The following RBFOX1 variants were observed in gnomAD, a reference collection of about 807,000 sequenced individuals.
RBFOX1 encodes RNA binding fox-1 homolog 1, also known as RNA binding protein fox-1 homolog 1.
In RBFOX1, 8 loss-of-function variants were observed where a neutral mutation model predicts 57.7. The observed-to-expected ratio is 0.14, with a 90% CI of 0.08 to 0.25. The LOEUF is 0.25. RBFOX1 is among the 10% of genes least tolerant of loss of function. The pLI, the probability that RBFOX1 is intolerant of heterozygous loss-of-function variation, is 1.00. For missense variants in RBFOX1, 611 were observed against 548.5 expected (o/e 1.11, Z -1.14); for synonymous variants, 326 against 222.4 (o/e 1.47, Z -4.15).
At chr16:6,816,141 C>G (rs555290770) in intron 3 of RBFOX1, among the ~76,000 whole-genome samples, 12 of 152,234 alleles carry the variant, frequency 7.9e-5, no homozygotes, top group East Asian at 3.9e-4. Context: ...GACCCCGTCT[C>G]TACAAAATTT....
At chr16:6,196,181 G>A (rs1050100505) in intron 1 of RBFOX1, among the ~76,000 whole-genome samples, 2 of 152,116 alleles carry the variant, frequency 1.3e-5, no homozygotes, top group Non-Finnish European at 2.9e-5. Context: ...TGCAGAAACT[G>A]AGGCCTCAAA....
intron 1 of RBFOX1, among the ~76,000 whole-genome samples, chr16:5,260,322 A>T (rs1363936053): frequency 6.6e-6 from 1 of 152,220 alleles, no homozygotes; most frequent in Non-Finnish European, 1.5e-5. Flanking sequence ...CGACCCCAAG[A>T]AATAAACCTC....
At chr16:6,112,438 C>G (rs1253870050) in intron 1 of RBFOX1, among the ~76,000 whole-genome samples, 4 of 152,164 alleles carry the variant, frequency 2.6e-5, no homozygotes, top group South Asian at 2.1e-4. Context: ...CGCCTGTAAT[C>G]CCAGCACTTT....
intron 1 of RBFOX1, among the ~76,000 whole-genome samples, chr16:6,162,630 C>A (rs1362474047): frequency 6.6e-6 from 1 of 152,080 alleles, no homozygotes; most frequent in East Asian, 1.9e-4. Context: ...AAGAACAACT[C>A]AAGGGAGACA....
intron 4 of RBFOX1, among the ~76,000 whole-genome samples, chr16:5,899,486 CT>C (rs1749974775): frequency 6.6e-6 from 1 of 152,174 alleles, no homozygotes; most frequent in African/African-American, 2.4e-5. Context: ...TGAAATCAAG[CT>C]GAATTCTCTG....
chr16:5,424,984 T>TTTCTTTTTTTCTTTC (rs200482050), intron 1 of RBFOX1, among the ~76,000 whole-genome samples: 3 of 68,918 alleles, frequency 4.4e-5, no homozygotes, highest in Admixed American at 1.6e-4. Flanking sequence ...CTTTCTTTTC[T>TTTCTTTTTTTCTTTC]TTTCTTTTCT....
At chr16:7,220,041 G>T (rs916571916) in intron 4 of RBFOX1, among the ~76,000 whole-genome samples, 8 of 152,050 alleles carry the variant, frequency 5.3e-5, no homozygotes, top group African/African-American at 1.9e-4. Flanking sequence ...AAAATTAAAG[G>T]TGTCTTAAAT....
chr16:5,566,708 A>G (rs2046086244), intron 2 of RBFOX1, among the ~76,000 whole-genome samples: 1 of 151,930 alleles, frequency 6.6e-6, no homozygotes, highest in Non-Finnish European at 1.5e-5. Flanking sequence ...ATATATAGAT[A>G]TATCCTAATA....
chr16:6,605,132 G>T (rs190941791), intron 2 of RBFOX1, among the ~76,000 whole-genome samples: 2 of 152,048 alleles, frequency 1.3e-5, no homozygotes, highest in Non-Finnish European at 2.9e-5. Context: ...TCAGCTACTC[G>T]GGAAGCTAAG....
At chr16:5,359,591 G>A (rs1490106181) in intron 1 of RBFOX1, among the ~76,000 whole-genome samples, 2 of 152,156 alleles carry the variant, frequency 1.3e-5, no homozygotes, top group African/African-American at 4.8e-5. Flanking sequence ...TCATATGCCT[G>A]TTTGTCATTT....
At chr16:5,693,850 T>G (rs2050768821) in intron 3 of RBFOX1, among the ~76,000 whole-genome samples, 1 of 152,174 alleles carries the variant, frequency 6.6e-6, no homozygotes, top group Non-Finnish European at 1.5e-5. Flanking sequence ...TTTGTGACAG[T>G]TTTCCTGATC....
At chr16:6,248,723 G>A (rs1263275185) in intron 1 of RBFOX1, among the ~76,000 whole-genome samples, 5 of 152,066 alleles carry the variant, frequency 3.3e-5, no homozygotes, top group Middle Eastern at 3.4e-3. Flanking sequence ...TTTATAATTG[G>A]GCTTCCGAGA....
chr16:6,856,910 A>C (rs928365757), intron 3 of RBFOX1, among the ~76,000 whole-genome samples: 1 of 152,122 alleles, frequency 6.6e-6, no homozygotes, highest in Non-Finnish European at 1.5e-5. Flanking sequence ...AAGGGAAAAG[A>C]AAGAAAGAGA....
intron 3 of RBFOX1, among the ~76,000 whole-genome samples, chr16:6,662,594 C>T (rs926475309): frequency 6.6e-6 from 1 of 151,860 alleles, no homozygotes; most frequent in Non-Finnish European, 1.5e-5. Flanking sequence ...AAGTTATTTC[C>T]TTGTCAACTA....
intron 4 of RBFOX1, among the ~76,000 whole-genome samples, chr16:7,240,502 A>G (rs1415882068): frequency 6.6e-6 from 1 of 151,908 alleles, no homozygotes; most frequent in East Asian, 1.9e-4. Context: ...TATTGTATTG[A>G]TTTCTGTTTC....
At chr16:5,978,178 G>T (rs116752025) in intron 4 of RBFOX1, among the ~76,000 whole-genome samples, 1 of 139,232 alleles carries the variant, frequency 7.2e-6, no homozygotes, top group African/African-American at 2.7e-5. Flanking sequence ...GCCAGGTGTG[G>T]TAGTGCATTC....
intron 3 of RBFOX1, among the ~76,000 whole-genome samples, chr16:5,693,157 T>A (rs1354829555): frequency 6.6e-6 from 1 of 152,100 alleles, no homozygotes; most frequent in African/African-American, 2.4e-5. Context: ...ACACAATCCT[T>A]CTGTTGCTTT....
At chr16:7,102,551 G>C (rs978043239) in intron 4 of RBFOX1, among the ~76,000 whole-genome samples, 2 of 152,166 alleles carry the variant, frequency 1.3e-5, no homozygotes, top group African/African-American at 4.8e-5. Context: ...TTTAAGGTTT[G>C]CGGCTTGGAT....
At position 7,514,258 on chromosome 16, in the gene RBFOX1, A is replaced by G. The variant is rs1600565184; in HGVS notation, c.28-3889A>G. 2.0e-5 allele frequency among the ~76,000 whole-genome samples: 3 copies of G among 152,230 alleles called. No individual in the cohort carries two copies. In the East Asian group the frequency reaches 5.8e-4, roughly 30 times the overall value. ...TTCCAATAAAACTTTATTTACAAAA[A>G]CAAAATTTGGGCCAGGTTTGCCTCA... On this transcript the variant is annotated intron_variant, in intron 4 of 15. Transcript: ENST00000550418.
Sources: gnomAD v4.1 joint callset for allele counts (sites outside exome capture counted in the v4.1 genomes callset) on GRCh38, gnomAD v4.1.1 for gene constraint, MANE v1.5 for transcripts, NCBI Gene and HGNC (gene_info 2026-07-23, HGNC 2026-07-21) for gene names.